The following CACNA1H variants were observed in gnomAD, a reference collection of about 807,000 sequenced individuals.
CACNA1H encodes voltage-dependent T-type calcium channel subunit alpha-1H.
In CACNA1H, 149 loss-of-function variants were observed where a neutral mutation model predicts 192.5. The observed-to-expected ratio is 0.77, with a 90% CI of 0.68 to 0.89. The LOEUF is 0.89. CACNA1H is among the 40% of genes least tolerant of loss of function. CACNA1H has a pLI of 0.00. For synonymous variants in CACNA1H, 2,202 were observed against 1,475.2 expected (o/e 1.49, Z -11.29); for missense variants, 4,257 against 3,423.5 (o/e 1.24, Z -6.08).
In CACNA1H at chr16:1,210,985, C is replaced by A. The variant is rs538104013; in HGVS notation, c.4223+14C>A. The A allele has an allele frequency of 1.3e-6, 2 of 1,589,534 alleles. No individual in the cohort carries two copies. Among genetic ancestry groups the A allele is most frequent in the Non-Finnish European group, 1.7e-6 (2 of 1,173,098 alleles). On this transcript the variant is annotated intron_variant, in intron 21 of 34. Coordinates refer to ENST00000348261, the MANE Select transcript of CACNA1H (RefSeq NM_021098.3). ...GCGGCCTCTGAGGTGGGGGGCTCCC[C>A]GTGGGCTCCCGGGGCAACCTGGAAG...
At chr16:1,196,506 T>C (rs151135885) in intron 5 of CACNA1H, among the ~76,000 whole-genome samples, 2 of 151,810 alleles carry the variant, frequency 1.3e-5, no homozygotes, top group South Asian at 4.2e-4. Flanking sequence ...GACACCTCGC[T>C]CTCCCCACCC....
Position 1,215,598 on chromosome 16 carries a change from G to A in CACNA1H, c.5244+5G>A. 6.2e-7 allele frequency: 1 copy of A among 1,609,928 alleles called. No homozygotes were observed. The highest frequency in any genetic ancestry group is 8.5e-7 in the Non-Finnish European group (1 of 1,178,928). On this transcript the variant is annotated splice_donor_5th_base_variant and intron_variant, in intron 30 of 34. Transcript: ENST00000348261. ...GTGGTGCAAGCTCTCCCCCAGGTAGGTGGAGCCCGCGCCATCCTCAGCGCA... is the reference window on the plus strand; with the variant it reads ...GTGGTGCAAGCTCTCCCCCAGGTAGATGGAGCCCGCGCCATCCTCAGCGCA...
rs377549389 is a variant in CACNA1H at position 1,207,849 on chromosome 16, T to C, written c.3143T>C (p.Leu1048Pro). The change falls in exon 15 of 35, where the codon CTC becomes CCC. Residue 1048 changes from leucine (L) to proline (P), a missense_variant. Leu to Pro is a moderately conservative substitution (Grantham distance 98). Transcript: ENST00000348261. ...GAGGACTTCCACAAGCTCAGAGAAC[T>C]CCAGACCACAGGTGCGTGTGGTCGG... is the stretch of plus-strand genomic sequence containing the variant. ...FEEDFHKLRE[L>P]QTTELKMCSL... 14 of 1,594,850 alleles carry C rather than the reference T, an allele frequency of 8.8e-6. No homozygotes were observed. In the African/African-American group the frequency reaches 1.7e-4, roughly 20 times the overall value.
intron 2 of CACNA1H, among the ~76,000 whole-genome samples, chr16:1,177,115 G>A (rs142529854): frequency 4.6e-5 from 7 of 152,328 alleles, no homozygotes; most frequent in Admixed American, 1.3e-4. Flanking sequence ...ACCTTCAGGT[G>A]TCTGTCCTGG....
At chr16:1,194,726 C>T (rs974616337) in intron 2 of CACNA1H, among the ~76,000 whole-genome samples, 1 of 151,958 alleles carries the variant, frequency 6.6e-6, no homozygotes, top group Admixed American at 6.5e-5. Flanking sequence ...GAGCCAACGC[C>T]GAGGGCCAGG....
At chr16:1,174,331 C>G (rs1207264659) in intron 2 of CACNA1H, among the ~76,000 whole-genome samples, 1 of 152,204 alleles carries the variant, frequency 6.6e-6, no homozygotes, top group South Asian at 2.1e-4. Flanking sequence ...GAGCTAGACC[C>G]CAGAGCCCAG....
intron 26 of CACNA1H, 42 bp downstream of exon 26, chr16:1,212,570 G>T: frequency 1.3e-6 from 2 of 1,595,568 alleles, no homozygotes; most frequent in Non-Finnish European, 1.7e-6. Context: ...CGCTTCTGCG[G>T]CCGCTGCTCG....
intron 2 of CACNA1H, among the ~76,000 whole-genome samples, chr16:1,174,176 G>A (rs954097441): frequency 8.5e-5 from 13 of 152,180 alleles, no homozygotes; most frequent in Non-Finnish European, 1.3e-4. Context: ...TCCAAGGAAG[G>A]GCAGAGGTCC....
At chr16:1,160,920 C>T (rs1963115151) in intron 2 of CACNA1H, among the ~76,000 whole-genome samples, 1 of 152,134 alleles carries the variant, frequency 6.6e-6, no homozygotes, top group Non-Finnish European at 1.5e-5. Flanking sequence ...GAGGCATCAG[C>T]CCAGTGCGGC....
chr16:1,208,662 C>T (rs1006520585), intron 16 of CACNA1H, among the ~76,000 whole-genome samples: 3 of 152,120 alleles, frequency 2.0e-5, no homozygotes, highest in Non-Finnish European at 1.5e-5. Context: ...ACAACAGACA[C>T]GGAGGATGGG....
At chr16:1,155,791 C>T (rs765440159) in intron 2 of CACNA1H, among the ~76,000 whole-genome samples, 6 of 152,126 alleles carry the variant, frequency 3.9e-5, no homozygotes, top group Admixed American at 6.5e-5. Flanking sequence ...TTGCTGTGTG[C>T]AGGGAAGGTG....
At chr16:1,212,681 C>G (rs939432406) in intron 26 of CACNA1H, among the ~76,000 whole-genome samples, 153 bp downstream of exon 26, 2 of 152,162 alleles carry the variant, frequency 1.3e-5, no homozygotes, top group Non-Finnish European at 2.9e-5. Flanking sequence ...TGCGCTCGCC[C>G]GCCAGTGTCC....
At chr16:1,192,778 G>T (rs1168202831) in intron 2 of CACNA1H, among the ~76,000 whole-genome samples, 2 of 152,190 alleles carry the variant, frequency 1.3e-5, no homozygotes, top group African/African-American at 4.8e-5. Context: ...GAGAAATCGG[G>T]CAATGGCTGG....
intron 2 of CACNA1H, among the ~76,000 whole-genome samples, chr16:1,173,565 T>C (rs914982909): frequency 1.3e-5 from 2 of 152,256 alleles, no homozygotes; most frequent in African/African-American, 4.8e-5. Flanking sequence ...AACACGTCCT[T>C]TTATGGAAAA....
chr16:1,211,788 G>A lies in CACNA1H; in HGVS notation c.4549G>A (p.Val1517Met), dbSNP rs778002223. The A allele has an allele frequency of 1.9e-5, 31 of 1,612,506 alleles. No individual in the cohort carries two copies. The highest frequency in any genetic ancestry group is 1.3e-4 in the South Asian group (12 of 91,090). ...CATCATGTACGACGGGCTGGATGCC[G>A]TGGGTGTCGACCAGCAGGTGCGCAC... ...VNIMYDGLDA[V>M]GVDQQPVQNH... Residue 1517 changes from valine (V) to methionine (M), a missense_variant, in exon 24 of 35, where the codon GTG (valine) becomes ATG (methionine). Physicochemically the swap from Val to Met is conservative, Grantham distance 21. Transcript: ENST00000348261.
At chr16:1,217,633 C>T (rs928727730) in intron 31 of CACNA1H, among the ~76,000 whole-genome samples, 27 of 152,330 alleles carry the variant, frequency 1.8e-4, no homozygotes, top group South Asian at 8.3e-4. Flanking sequence ...ACTCATCCCC[C>T]GCCACGCGCA....
At chr16:1,188,105 G>A (rs1028420568) in intron 2 of CACNA1H, among the ~76,000 whole-genome samples, 1 of 152,246 alleles carries the variant, frequency 6.6e-6, no homozygotes, top group African/African-American at 2.4e-5. Context: ...GGAGGCACAG[G>A]TGGAGGTAGA....
At chr16:1,155,441 G>A (rs1384160391) in intron 2 of CACNA1H, among the ~76,000 whole-genome samples, 2 of 152,222 alleles carry the variant, frequency 1.3e-5, no homozygotes, top group East Asian at 1.9e-4. Flanking sequence ...GTTCTGGTAG[G>A]AGGTGACTGG....
intron 26 of CACNA1H, 54 bp from the exon 27 acceptor site, chr16:1,213,719 GCAGGAGC>G: frequency 7.4e-7 from 1 of 1,358,730 alleles, no homozygotes; most frequent in South Asian, 1.5e-5. Flanking sequence ...AATGGAGTCT[GCAGGAGC>G]CAGGAGCGCC....
Sources: gnomAD v4.1 joint callset for allele counts (sites outside exome capture counted in the v4.1 genomes callset) on GRCh38, gnomAD v4.1.1 for gene constraint, MANE v1.5 for transcripts, NCBI Gene and HGNC (gene_info 2026-07-23, HGNC 2026-07-21) for gene names.